Variants in GMDS observed in about 807,000 individuals in gnomAD.
GMDS encodes the protein GDP-mannose 4,6 dehydratase.
In GMDS, 20 loss-of-function variants were observed where a neutral mutation model predicts 49.9. The observed-to-expected ratio is 0.40, with a 90% confidence interval of 0.28 to 0.58. The LOEUF is 0.58. Ranked by LOEUF, GMDS falls within the 20% of genes least tolerant of loss-of-function variation. The pLI, the probability that GMDS is intolerant of heterozygous loss-of-function variation, is 0.42. For synonymous variants in GMDS, 177 were observed against 178.6 expected, an observed-to-expected ratio of 0.99 and a Z score of 0.07; for missense variants, 362 against 481.4, an observed-to-expected ratio of 0.75 and a Z score of 2.32.
intron 1 of GMDS, among the ~76,000 whole-genome samples, chr6:2,222,702 C>T (rs745729931): frequency 2.9e-4 from 44 of 152,232 alleles, no homozygotes; most frequent in Non-Finnish European, 5.9e-4. Context: ...TGGCAGGTTT[C>T]CAGGCGGTCA....
intron 1 of GMDS, among the ~76,000 whole-genome samples, chr6:2,139,001 C>G (rs558277480): frequency 6.6e-6 from 1 of 152,202 alleles, no homozygotes; most frequent in South Asian, 2.1e-4. Context: ...TAAAAACTGT[C>G]CATATTTATT....
intron 9 of GMDS, among the ~76,000 whole-genome samples, chr6:1,653,653 C>A (rs1318351117): frequency 6.6e-6 from 1 of 152,140 alleles, no homozygotes; most frequent in Non-Finnish European, 1.5e-5. Flanking sequence ...CCCTAATATA[C>A]CCGGCCAATT....
intron 1 of GMDS, among the ~76,000 whole-genome samples, chr6:2,205,472 C>A (rs547468488): frequency 6.6e-6 from 1 of 152,232 alleles, no homozygotes; most frequent in Non-Finnish European, 1.5e-5. Context: ...CTTCTTCCAG[C>A]GTGGCCCTCT....
chr6:2,098,254 C>T (rs1773722922), intron 4 of GMDS, among the ~76,000 whole-genome samples: 1 of 152,116 alleles, frequency 6.6e-6, no homozygotes, highest in African/African-American at 2.4e-5. Flanking sequence ...GATGGTGTTT[C>T]GCCATGTTGG....
intron 4 of GMDS, among the ~76,000 whole-genome samples, chr6:1,988,145 T>A (rs1185747867): frequency 6.6e-6 from 1 of 152,198 alleles, no homozygotes; most frequent in Non-Finnish European, 1.5e-5. Context: ...GTAGCCTAAT[T>A]TTCTGTGCAA....
At chr6:1,726,671 G>C (rs572798386) in intron 8 of GMDS, among the ~76,000 whole-genome samples, 159 bp from the exon 9 acceptor site, 1 of 152,172 alleles carries the variant, frequency 6.6e-6, no homozygotes, top group East Asian at 1.9e-4. Flanking sequence ...TTAAAGCAAC[G>C]GCGACTTTCA....
At chr6:2,200,097 C>T (rs1464983457) in intron 1 of GMDS, among the ~76,000 whole-genome samples, 1 of 152,134 alleles carries the variant, frequency 6.6e-6, no homozygotes, top group Non-Finnish European at 1.5e-5. Flanking sequence ...TATTGCACAT[C>T]CACTGTGTCA....
chr6:1,698,306 G>T (rs1158001648), intron 9 of GMDS, among the ~76,000 whole-genome samples: 3 of 152,204 alleles, frequency 2.0e-5, no homozygotes, highest in Non-Finnish European at 4.4e-5. Flanking sequence ...ACAAGGCCTG[G>T]AATGGGTGTA....
intron 1 of GMDS, among the ~76,000 whole-genome samples, chr6:2,130,915 G>A (rs945687745): frequency 6.6e-6 from 1 of 151,914 alleles, no homozygotes; most frequent in Admixed American, 6.6e-5. Context: ...AGAGTTTTTG[G>A]TGTTTGTGGC....
rs1770227925 is a variant in GMDS at position 1,807,478 on chromosome 6, G to A, written c.772-64892C>T. On this transcript the variant is annotated intron_variant, in intron 7 of 10. Transcript: ENST00000380815. Reference sequence around the variant, plus strand: ...GTCCCTGTTTCAATCTTAATCAAGGGGTAGACCCATGGACTGTGAACCCCA... The same window carrying A: ...GTCCCTGTTTCAATCTTAATCAAGGAGTAGACCCATGGACTGTGAACCCCA... Among the ~76,000 whole-genome samples the A allele has an allele frequency of 2.0e-5, 3 of 152,180 alleles. No homozygotes were observed. The East Asian group carries it at 5.8e-4, about 29-fold the overall frequency.
At chr6:1,656,743 G>A (rs991287003) in intron 9 of GMDS, among the ~76,000 whole-genome samples, 11 of 150,940 alleles carry the variant, frequency 7.3e-5, no homozygotes, top group African/African-American at 2.4e-4. Flanking sequence ...CAGCCTGGGC[G>A]ACAGAGCGAG....
chr6:2,211,579 T>C (rs1780063601), intron 1 of GMDS, among the ~76,000 whole-genome samples: 1 of 152,120 alleles, frequency 6.6e-6, no homozygotes, highest in Non-Finnish European at 1.5e-5. Context: ...AAAAGGATGC[T>C]CAAATAGGTC....
chr6:2,174,594 G>A (rs1325450465), intron 1 of GMDS, among the ~76,000 whole-genome samples: 1 of 151,986 alleles, frequency 6.6e-6, no homozygotes, highest in Non-Finnish European at 1.5e-5. Context: ...TTGAGACGGA[G>A]TCTTGCTCTG....
intron 7 of GMDS, among the ~76,000 whole-genome samples, chr6:1,914,131 G>GTTTTTTTTT (rs563808537): frequency 7.7e-5 from 6 of 77,854 alleles, no homozygotes; most frequent in African/African-American, 1.8e-4. Context: ...TTTTTTGTTT[G>GTTTTTTTTT]TTTTTTTTTT....
chr6:2,142,300 C>A (rs912980758), intron 1 of GMDS, among the ~76,000 whole-genome samples: 1 of 152,146 alleles, frequency 6.6e-6, no homozygotes, highest in African/African-American at 2.4e-5. Context: ...AAGCCCTAAC[C>A]TCCAGGACCT....
chr6:1,754,872 C>G (rs532277610), intron 7 of GMDS, among the ~76,000 whole-genome samples: 1 of 152,138 alleles, frequency 6.6e-6, no homozygotes, highest in Non-Finnish European at 1.5e-5. Context: ...ACTGATTGAA[C>G]GTATCTCAAA....
At chr6:1,665,958 C>T (rs1262715521) in intron 9 of GMDS, among the ~76,000 whole-genome samples, 2 of 152,162 alleles carry the variant, frequency 1.3e-5, no homozygotes, top group African/African-American at 2.4e-5. Context: ...AGACTATTTC[C>T]TTCTGGAGAC....
Position 2,158,195 on chromosome 6 carries a change from C to T in GMDS, c.103-33464G>A, listed in dbSNP as rs545283849. 2.6e-5 allele frequency among the ~76,000 whole-genome samples: 4 copies of T among 152,060 alleles called. No homozygotes were observed. The South Asian group carries it at 8.3e-4, about 32-fold the overall frequency. On this transcript the variant is annotated intron_variant, in intron 1 of 10. Coordinates refer to ENST00000380815, the MANE Select transcript of GMDS (RefSeq NM_001500.4). ...ATATATAATAGTTTAAAAACAATAGCAAAATAGTTTCTAGTAATGCTATAT... is the reference window on the plus strand; with the variant it reads ...ATATATAATAGTTTAAAAACAATAGTAAAATAGTTTCTAGTAATGCTATAT...
intron 4 of GMDS, among the ~76,000 whole-genome samples, chr6:1,974,603 C>G (rs768190337): frequency 6.6e-6 from 1 of 152,104 alleles, no homozygotes; most frequent in Non-Finnish European, 1.5e-5. Context: ...TATCAAGGAG[C>G]CTCTTGATCT....
Sources: allele counts gnomAD v4.1 joint callset (sites outside exome capture counted in the v4.1 genomes callset), GRCh38; gene constraint gnomAD v4.1.1; transcripts MANE v1.5; gene names NCBI Gene and HGNC (gene_info 2026-07-23, HGNC 2026-07-21).